Variants in DNAH3 observed in about 807,000 individuals in gnomAD.
DNAH3 encodes the protein dynein axonemal heavy chain 3, also known as axonemal beta dynein heavy chain 3.
DNAH3 carries 332 observed loss-of-function variants against 432.5 expected under a neutral mutation model. That is an observed-to-expected ratio of 0.77 (90% CI 0.70 to 0.84). The LOEUF is 0.84. Ranked by LOEUF, DNAH3 falls within the 40% of genes least tolerant of loss-of-function variation. DNAH3 has a pLI of 0.00. For synonymous variants in DNAH3, 1,956 were observed against 1,900.2 expected (o/e 1.03, Z -0.76); for missense variants, 4,861 against 5,114.0 (o/e 0.95, Z 1.51).
intron 18 of DNAH3, among the ~76,000 whole-genome samples, chr16:21,096,811 T>C (rs922758487): frequency 2.5e-4 from 38 of 152,198 alleles, no homozygotes; most frequent in African/African-American, 8.9e-4. Context: ...AACTAAGTCT[T>C]GGAGAAGCTA....
chr16:21,091,866 C>T (rs1411726944), intron 18 of DNAH3, among the ~76,000 whole-genome samples: 1 of 151,628 alleles, frequency 6.6e-6, no homozygotes, highest in African/African-American at 2.4e-5. Flanking sequence ...TACATTGGCA[C>T]CCTAAAAATT....
At chr16:21,152,790 C>T (rs889544717) in intron 1 of DNAH3, among the ~76,000 whole-genome samples, 4 of 152,228 alleles carry the variant, frequency 2.6e-5, no homozygotes, top group Admixed American at 2.6e-4. Context: ...GCTAGCCCAC[C>T]GGCGCTGCGC....
chr16:21,139,419 T>C (rs985582098), intron 5 of DNAH3, among the ~76,000 whole-genome samples: 1 of 141,684 alleles, frequency 7.1e-6, no homozygotes, highest in East Asian at 2.2e-4. Flanking sequence ...ATGCCTGAGG[T>C]GTCAGAGAAG....
intron 19 of DNAH3, among the ~76,000 whole-genome samples, chr16:21,082,000 A>G (rs2091205832): frequency 6.6e-6 from 1 of 152,124 alleles, no homozygotes; most frequent in Non-Finnish European, 1.5e-5. Context: ...CCCAGGCCCA[A>G]GCAATCCTCC....
At chr16:21,028,735 C>T (rs567678864) in intron 37 of DNAH3, among the ~76,000 whole-genome samples, 2 of 152,050 alleles carry the variant, frequency 1.3e-5, no homozygotes, top group African/African-American at 2.4e-5. Flanking sequence ...TGCAATTACA[C>T]AGGAAAGCCT....
At chr16:21,040,191 T>C (rs2089369546) in intron 32 of DNAH3, among the ~76,000 whole-genome samples, 1 of 151,930 alleles carries the variant, frequency 6.6e-6, no homozygotes, top group Admixed American at 6.6e-5. Context: ...CCCTCAATGG[T>C]TCTGTGGAAG....
intron 6 of DNAH3, among the ~76,000 whole-genome samples, chr16:21,135,741 A>G (rs1008130866): frequency 2.0e-5 from 3 of 151,886 alleles, no homozygotes; most frequent in African/African-American, 7.3e-5. Flanking sequence ...GAAAAAAAAA[A>G]GAAGTGTAGA....
At chr16:20,998,367 C>T (rs2086855750) in intron 43 of DNAH3, among the ~76,000 whole-genome samples, 1 of 152,130 alleles carries the variant, frequency 6.6e-6, no homozygotes, top group Admixed American at 6.6e-5. Flanking sequence ...GGTCCTCCTG[C>T]CTCAGCCTCC....
chr16:21,115,648 A>C (rs1597405553), intron 12 of DNAH3, among the ~76,000 whole-genome samples: 1 of 151,916 alleles, frequency 6.6e-6, no homozygotes. Flanking sequence ...TGGAGGTTGC[A>C]GTGAGCTGAG....
intron 27 of DNAH3, among the ~76,000 whole-genome samples, chr16:21,055,888 A>C (rs537600140): frequency 1.3e-5 from 2 of 151,886 alleles, no homozygotes; most frequent in Non-Finnish European, 2.9e-5. Context: ...TGGGACCACA[A>C]GCACACACCA....
chr16:21,102,829 T>C (rs1224438572), intron 16 of DNAH3, among the ~76,000 whole-genome samples: 1 of 151,984 alleles, frequency 6.6e-6, no homozygotes, highest in Non-Finnish European at 1.5e-5. Context: ...ATAAAAAGAA[T>C]GAATTAATGG....
intron 44 of DNAH3, among the ~76,000 whole-genome samples, chr16:20,989,017 A>C (rs1322061502): frequency 6.6e-6 from 1 of 152,194 alleles, no homozygotes; most frequent in Non-Finnish European, 1.5e-5. Context: ...CAGCTCATAA[A>C]AGCAGTGTGG....
chr16:21,136,157 T>C (rs113662182), intron 6 of DNAH3, among the ~76,000 whole-genome samples, 167 bp downstream of exon 7: 8 of 152,254 alleles, frequency 5.3e-5, no homozygotes, highest in African/African-American at 1.9e-4. Flanking sequence ...CTCATGCCTG[T>C]AATCCTAGCA....
intron 41 of DNAH3, among the ~76,000 whole-genome samples, chr16:21,006,465 G>C (rs2087306848): frequency 6.6e-6 from 1 of 152,122 alleles, no homozygotes; most frequent in Non-Finnish European, 1.5e-5. Context: ...TCACAGAGTT[G>C]TGAAACCATT....
chr16:20,952,448 G>C, exon 56 of DNAH3: 1 of 1,609,212 alleles, frequency 6.2e-7, no homozygotes, highest in Non-Finnish European at 8.5e-7. Flanking sequence ...AGGTAGGTCA[G>C]AGCATCAAAG....
exon 1 of DNAH3, chr16:21,159,358 C>T (rs1209954878): frequency 6.2e-7 from 1 of 1,614,168 alleles, no homozygotes; most frequent in Admixed American, 1.7e-5. Flanking sequence ...CTCCTTGGGT[C>T]TCCCTGGCTT....
intron 53 of DNAH3, among the ~76,000 whole-genome samples, chr16:20,960,002 A>C (rs1216373124): frequency 6.6e-6 from 1 of 152,184 alleles, no homozygotes; most frequent in African/African-American, 2.4e-5. Flanking sequence ...GCATTTGTAA[A>C]GTGAAATAAG....
chr16:20,959,112 T>C (rs1005457900), intron 54 of DNAH3, 67 bp downstream of exon 54: 2 of 1,522,784 alleles, frequency 1.3e-6, no homozygotes, highest in African/African-American at 2.7e-5. Context: ...TTGGTCATCT[T>C]CCCAGCCACC....
intron 11 of DNAH3, among the ~76,000 whole-genome samples, chr16:21,117,658 C>G (rs1054425449): frequency 1.3e-5 from 2 of 152,192 alleles, no homozygotes; most frequent in Non-Finnish European, 2.9e-5. Context: ...ACCTTCTGAA[C>G]TTTTCCTGCT....
Sources: allele counts gnomAD v4.1 joint callset (sites outside exome capture counted in the v4.1 genomes callset), GRCh38; gene constraint gnomAD v4.1.1; transcripts MANE v1.5; gene names NCBI Gene and HGNC (gene_info 2026-07-23, HGNC 2026-07-21).